Variants in CAB39L observed in about 807,000 individuals in gnomAD.
CAB39L encodes calcium-binding protein 39-like.
In CAB39L, 23 loss-of-function variants were observed where a neutral mutation model predicts 39.1. The observed-to-expected ratio is 0.59, with a 90% CI of 0.42 to 0.83. The LOEUF is 0.83. Ranked by LOEUF, CAB39L falls within the 40% of genes least tolerant of loss-of-function variation. The pLI, the probability that CAB39L is intolerant of heterozygous loss-of-function variation, is 0.00. For missense variants in CAB39L, 366 were observed against 391.9 expected (o/e 0.93, Z 0.56); for synonymous variants, 126 against 137.2 (o/e 0.92, Z 0.57).
rs115430348 is a variant in CAB39L at position 49,411,450 on chromosome 13, C to A, written c.-32+21868G>T. 5.8e-3 allele frequency among the ~76,000 whole-genome samples: 871 copies of A among 150,238 alleles called. 12 individuals carry two copies. Among genetic ancestry groups the A allele is most frequent in the African/African-American group, 0.02 (828 of 41,014 alleles). ...AAAGAAAATCCCCCACCTCCCTCTT[C>A]TCTAATTCCCCTCCCCAAGATTAAG... On this transcript the variant is annotated intron_variant, in intron 3 of 10. Transcript: ENST00000409308.
At chr13:49,379,833 C>T (rs1258504713) in intron 4 of CAB39L, among the ~76,000 whole-genome samples, 2 of 150,680 alleles carry the variant, frequency 1.3e-5, no homozygotes, top group Admixed American at 1.3e-4. Context: ...AGTCAACATA[C>T]ACTAAATAAT....
chr13:49,339,385 C>T (rs531979152), intron 9 of CAB39L, among the ~76,000 whole-genome samples: 71 of 152,270 alleles, frequency 4.7e-4, no homozygotes, highest in African/African-American at 1.7e-3. Flanking sequence ...CCCACTTCGG[C>T]CTCCCAAAGT....
At chr13:49,365,674 G>C (rs764490685) in intron 5 of CAB39L, among the ~76,000 whole-genome samples, 1 of 152,192 alleles carries the variant, frequency 6.6e-6, no homozygotes, top group Admixed American at 6.5e-5. Context: ...TGGGGAAAAG[G>C]AACCCCTCAT....
intron 3 of CAB39L, among the ~76,000 whole-genome samples, chr13:49,426,519 CG>C (rs1356156739): frequency 6.6e-6 from 1 of 152,084 alleles, no homozygotes; most frequent in African/African-American, 2.4e-5. Flanking sequence ...CTCCGCCTCC[CG>C]GGTTCAAGCC....
At chr13:49,438,695 C>T (rs1263081952) in intron 1 of CAB39L, among the ~76,000 whole-genome samples, 2 of 152,194 alleles carry the variant, frequency 1.3e-5, no homozygotes, top group African/African-American at 4.8e-5. Context: ...TTATTTCCCC[C>T]ATCAATGCAA....
chr13:49,437,192 A>G (rs1957431627), intron 1 of CAB39L, among the ~76,000 whole-genome samples: 1 of 152,268 alleles, frequency 6.6e-6, no homozygotes, highest in African/African-American at 2.4e-5. Context: ...ATAGTTGTGT[A>G]TAGGCAGAAG....
At chr13:49,427,868 A>G (rs1957267127) in intron 3 of CAB39L, among the ~76,000 whole-genome samples, 1 of 152,172 alleles carries the variant, frequency 6.6e-6, no homozygotes, top group African/African-American at 2.4e-5. Context: ...TGGTTCACAG[A>G]TGGCCATCTT....
intron 3 of CAB39L, among the ~76,000 whole-genome samples, chr13:49,424,636 GT>G (rs1957217772): frequency 6.6e-6 from 1 of 152,168 alleles, no homozygotes; most frequent in Non-Finnish European, 1.5e-5. Context: ...TAAACTGGTT[GT>G]AGGATATATG....
At chr13:49,372,278 T>G (rs1215798429) in intron 5 of CAB39L, among the ~76,000 whole-genome samples, 1 of 152,190 alleles carries the variant, frequency 6.6e-6, no homozygotes, top group East Asian at 1.9e-4. Flanking sequence ...TGTCTGCAAT[T>G]TTAAGGCTTA....
intron 3 of CAB39L, among the ~76,000 whole-genome samples, chr13:49,428,642 A>C (rs901772920): frequency 4.6e-5 from 7 of 152,144 alleles, no homozygotes; most frequent in African/African-American, 1.7e-4. Flanking sequence ...GAACTTCTTC[A>C]CATAACTTCT....
chr13:49,311,008 A>G lies in CAB39L; in HGVS notation c.835-15T>C, dbSNP rs771668535. ...GCCACAAACACCTGAAACAAAAAGA[A>G]ACAAATACTTAGGAGTGCAAGCCAG... On this transcript the variant is annotated splice_polypyrimidine_tract_variant and intron_variant, in intron 10 of 10. Coordinates refer to ENST00000409308, the MANE Select transcript of CAB39L (RefSeq NM_001079670.3). 1 of 1,611,764 alleles carries G rather than the reference A, an allele frequency of 6.2e-7. No homozygotes were observed. The highest frequency in any genetic ancestry group is 1.1e-5 in the South Asian group (1 of 90,960).
At chr13:49,326,378 C>A (rs1440073125) in intron 10 of CAB39L, among the ~76,000 whole-genome samples, 3 of 152,184 alleles carry the variant, frequency 2.0e-5, no homozygotes, top group Non-Finnish European at 4.4e-5. Flanking sequence ...GCAACTGAGA[C>A]AGAACAAAGA....
chr13:49,357,711 C>T (rs1220886539), intron 6 of CAB39L, among the ~76,000 whole-genome samples: 1 of 152,146 alleles, frequency 6.6e-6, no homozygotes, highest in African/African-American at 2.4e-5. Context: ...AATCTCTTCC[C>T]CAGACTCTTC....
In CAB39L at chr13:49,346,075, GATAT is replaced by G. The variant is rs10576159; in HGVS notation, c.565-1841_565-1838del. Reference sequence around the variant, plus strand: ...TCCTCCAGCATATATATATATGCTAGATATATATATATATATATATGCTAGATAT... The same window carrying G: ...TCCTCCAGCATATATATATATGCTAGATATATATATATATATGCTAGATAT... On this transcript the variant is annotated intron_variant, in intron 7 of 10. Coordinates refer to ENST00000409308, the MANE Select transcript of CAB39L (RefSeq NM_001079670.3). Among the ~76,000 whole-genome samples, 66 of 81,496 alleles carry G rather than the reference GATAT, an allele frequency of 8.1e-4. 1 individual carries two copies. The highest frequency in any genetic ancestry group is 2.5e-3 in the African/African-American group (53 of 21,610). 53.5% of individuals were successfully genotyped at this position (81,496 alleles called of 152,430 possible). A position where few individuals can be genotyped will look rare whatever the true frequency, so the allele number is the denominator to read the frequency against.
At chr13:49,327,539 A>G in intron 10 of CAB39L, among the ~76,000 whole-genome samples, 1 of 152,186 alleles carries the variant, frequency 6.6e-6, no homozygotes, top group Admixed American at 6.5e-5. Flanking sequence ...CCTGGCCTCA[A>G]GTGATCCACC....
At chr13:49,334,044 T>C (rs4444233) in intron 9 of CAB39L, among the ~76,000 whole-genome samples, 12,688 of 152,192 alleles carry the variant, frequency 0.083, 1,012 homozygotes, top group East Asian at 0.45. Flanking sequence ...TTCTTTCCCT[T>C]GCTCCTCACA....
chr13:49,415,771 T>A (rs945449241), intron 3 of CAB39L, among the ~76,000 whole-genome samples: 1 of 152,156 alleles, frequency 6.6e-6, no homozygotes, highest in Admixed American at 6.5e-5. Context: ...CACTGCTTCA[T>A]CCTCAGCACC....
chr13:49,381,498 C>G (rs1033516327), intron 4 of CAB39L, among the ~76,000 whole-genome samples: 1 of 152,258 alleles, frequency 6.6e-6, no homozygotes, highest in African/African-American at 2.4e-5. Context: ...ATTTTTATAT[C>G]TCTTGTGACA....
intron 3 of CAB39L, among the ~76,000 whole-genome samples, chr13:49,421,201 C>T (rs555660567): frequency 6.6e-6 from 1 of 152,172 alleles, no homozygotes; most frequent in South Asian, 2.1e-4. Flanking sequence ...CCCCTCTCTG[C>T]CCGCCCCTGG....
Sources: allele counts gnomAD v4.1 joint callset (sites outside exome capture counted in the v4.1 genomes callset), GRCh38; gene constraint gnomAD v4.1.1; transcripts MANE v1.5; gene names NCBI Gene and HGNC (gene_info 2026-07-23, HGNC 2026-07-21).